RTRAF: variants seen among roughly 807,000 people sequenced by gnomAD.
RTRAF encodes RNA transcription, translation and transport factor.
Under a neutral mutation model 34.4 loss-of-function variants are expected in RTRAF, and 14 were observed. The observed-to-expected ratio is 0.41, with a 90% CI of 0.27 to 0.64. RTRAF has a LOEUF of 0.64. Among genes scored for constraint, RTRAF ranks in the 30% least tolerant of loss-of-function variants. The probability of loss-of-function intolerance (pLI) is 0.34; values close to 1 mark genes in which losing one functional copy is unlikely to be tolerated. For synonymous variants in RTRAF, 96 were observed against 95.3 expected, an observed-to-expected ratio of 1.01 and a Z score of -0.04; for missense variants, 291 against 288.4, an observed-to-expected ratio of 1.01 and a Z score of -0.06.
chr14:51,993,911 G>A (rs1387947815), intron 3 of RTRAF, 89 bp downstream of exon 3: 9 of 720,798 alleles, frequency 1.2e-5, no homozygotes, highest in Non-Finnish European at 1.6e-5. Flanking sequence ...AGTTTGTTTT[G>A]TCTAGTACTA....
At chr14:52,004,302 A>G (rs1890667169) in intron 7 of RTRAF, 60 bp downstream of exon 7, 1 of 1,609,096 alleles carries the variant, frequency 6.2e-7, no homozygotes, top group African/African-American at 1.3e-5. Context: ...TTGGGAGGAA[A>G]TAAATGGCCT....
intron 5 of RTRAF, among the ~76,000 whole-genome samples, chr14:52,001,128 G>C (rs1336924158): frequency 2.0e-5 from 3 of 152,126 alleles, no homozygotes; most frequent in African/African-American, 7.2e-5. Flanking sequence ...GTTTTTCAAA[G>C]ATAGCATTTG....
At chr14:52,000,966 C>T (rs1018862061) in intron 5 of RTRAF, among the ~76,000 whole-genome samples, 2 of 152,126 alleles carry the variant, frequency 1.3e-5, no homozygotes, top group African/African-American at 4.8e-5. Flanking sequence ...ACATTTGTCC[C>T]TTTTGAGTTA....
At chr14:52,003,875 T>C in intron 6 of RTRAF, 1 of 273,772 alleles carries the variant, frequency 3.7e-6, no homozygotes, top group Non-Finnish European at 6.8e-6. Context: ...CTGGCTCAAC[T>C]TGCCTTCCAT....
Position 52,005,817 on chromosome 14 carries a change from C to A in RTRAF, c.*1301C>A. ...TGGGAGATACTCATCAGTAAACTGG[C>A]CACTATGTTTATTTACTGATACAAC... On this transcript the variant is annotated 3_prime_UTR_variant, in exon 8 of 8. Coordinates refer to ENST00000261700, the MANE Select transcript of RTRAF (RefSeq NM_016039.3). The A allele has an allele frequency of 1.2e-6, 2 of 1,613,526 alleles. No homozygotes were observed. The highest frequency in any genetic ancestry group is 1.7e-6 in the Non-Finnish European group (2 of 1,179,528).
At position 52,010,543 on chromosome 14, in the gene RTRAF, T is replaced by G. The variant is rs935601725; in HGVS notation, c.*6027T>G. 1.1e-5 allele frequency: 2 copies of G among 184,786 alleles called. No individual in the cohort carries two copies. Among genetic ancestry groups the G allele is most frequent in the African/African-American group, 4.7e-5 (2 of 43,000 alleles). The allele number at this position is 184,786 out of a possible 1,614,324, so 11.4% of individuals were successfully genotyped here. ...GAGGAATCCCACTTCACTTCCAGTT[T>G]AAGTGTCAGCTGAGGCCTCGCCTGA... On this transcript the variant is annotated 3_prime_UTR_variant, in exon 8 of 8. Transcript: ENST00000261700.
In RTRAF at chr14:51,991,440, A is replaced by G. The variant is rs113114137; in HGVS notation, c.185A>G (p.Lys62Arg). 9.3e-6 allele frequency: 15 copies of G among 1,610,842 alleles called. No individual in the cohort carries two copies. The African/African-American group carries it at 1.3e-4, about 14-fold the overall frequency. ...AGCGACTGGCCCAAGTTCTTTGAAA[A>G]GGTAATGAATTAGGAAGTAAAGTAA... ...HSSDWPKFFE[K>R]YLRDVNCPFK... The change falls in exon 2 of 8, where the codon AAG becomes AGG. Residue 62 changes from lysine to arginine, a missense_variant and splice_region_variant. Physicochemically the swap from Lys to Arg is conservative, Grantham distance 26. Coordinates refer to ENST00000261700, the MANE Select transcript of RTRAF (RefSeq NM_016039.3).
intron 6 of RTRAF, among the ~76,000 whole-genome samples, chr14:52,003,534 TATATA>T (rs1240642149): frequency 6.6e-6 from 1 of 152,176 alleles, no homozygotes; most frequent in Non-Finnish European, 1.5e-5. Context: ...GCAGTGATTT[TATATA>T]ATCAGCAGGA....
In RTRAF at chr14:52,004,264, C is replaced by CAA. The variant is rs1555361119; in HGVS notation, c.580+24_580+25dup. Reference sequence around the variant, plus strand: ...GGAGGTAAGTGATTTTGTTTAAATTCAAACTATTTTTTTTACAGACTGAAT... The same window carrying CAA: ...GGAGGTAAGTGATTTTGTTTAAATTCAAAAACTATTTTTTTTACAGACTGAAT... On this transcript the variant is annotated intron_variant, in intron 7 of 7. Transcript: ENST00000261700. 54 of 1,611,056 alleles carry CAA rather than the reference C, an allele frequency of 3.4e-5. No homozygotes were observed. In the Admixed American group the frequency reaches 8.6e-4, roughly 26 times the overall value.
rs1594995826 is a variant in RTRAF at position 52,008,051 on chromosome 14, TCTC to T, written c.*3539_*3541del. On this transcript the variant is annotated 3_prime_UTR_variant, in exon 8 of 8. Transcript: ENST00000261700. Reference sequence around the variant, plus strand: ...TCTAAGCAGCCCCCAGTGATCTCCATCTCCTCATGTATTATAGCCTTAAGCAAT... The same window carrying T: ...TCTAAGCAGCCCCCAGTGATCTCCATCTCATGTATTATAGCCTTAAGCAAT... 13 of 1,096,710 alleles carry T rather than the reference TCTC, an allele frequency of 1.2e-5. No individual in the cohort carries two copies. Among genetic ancestry groups the T allele is most frequent in the East Asian group, 7.3e-5 (3 of 41,070 alleles). The allele number at this position is 1,096,710 out of a possible 1,614,324, so 67.9% of individuals were successfully genotyped here. A position where few individuals can be genotyped will look rare whatever the true frequency, so the allele number is the denominator to read the frequency against.
At chr14:51,993,662 T>G (rs1890471400) in intron 2 of RTRAF, 61 bp from the exon 3 acceptor site, 1 of 1,046,278 alleles carries the variant, frequency 9.6e-7, no homozygotes, top group African/African-American at 1.6e-5. Context: ...TCTCCCATTC[T>G]TTTTTCTGTG....
Position 52,008,063 on chromosome 14 carries a change from T to C in RTRAF, c.*3547T>C. 2 of 978,468 alleles carry C rather than the reference T, an allele frequency of 2.0e-6. No individual in the cohort carries two copies. Among genetic ancestry groups the C allele is most frequent in the Non-Finnish European group, 3.0e-6 (2 of 658,748 alleles). The allele number at this position is 978,468 out of a possible 1,614,324, so 60.6% of individuals were successfully genotyped here. On this transcript the variant is annotated 3_prime_UTR_variant, in exon 8 of 8. Coordinates refer to ENST00000261700, the MANE Select transcript of RTRAF (RefSeq NM_016039.3). ...CCAGTGATCTCCATCTCCTCATGTA[T>C]TATAGCCTTAAGCAATCCCCTTGAG...
chr14:52,004,024 C>T (rs148221316), intron 6 of RTRAF, 170 bp from the exon 7 acceptor site: 140 of 635,760 alleles, frequency 2.2e-4, no homozygotes, highest in African/African-American at 1.8e-3. Context: ...AGGGAAAACT[C>T]GCTAATCACA....
intron 2 of RTRAF, among the ~76,000 whole-genome samples, chr14:51,992,529 C>T (rs2140326762): frequency 6.6e-6 from 1 of 152,316 alleles, no homozygotes; most frequent in South Asian, 2.1e-4. Flanking sequence ...AAGCTTATTA[C>T]TGCCAATGCC....
At chr14:51,996,559 C>G (rs867050033) in intron 3 of RTRAF, among the ~76,000 whole-genome samples, 2 of 152,126 alleles carry the variant, frequency 1.3e-5, no homozygotes, top group South Asian at 4.1e-4. Flanking sequence ...TCATATACCT[C>G]AAGTCTACAA....
Position 52,007,688 on chromosome 14 carries a change from A to T in RTRAF, c.*3172A>T, listed in dbSNP as rs1029248053. 3 of 928,366 alleles carry T rather than the reference A, an allele frequency of 3.2e-6. No individual in the cohort carries two copies. In the South Asian group the frequency reaches 4.4e-5, roughly 13 times the overall value. The allele number at this position is 928,366 out of a possible 1,614,324, so 57.5% of individuals were successfully genotyped here. A position where few individuals can be genotyped will look rare whatever the true frequency, so the allele number is the denominator to read the frequency against. ...TAGTACTTAAATTTACTAGTACTTAAAAGTTTACAGACCAAAGAAAGGAGA... is the reference window on the plus strand; with the variant it reads ...TAGTACTTAAATTTACTAGTACTTATAAGTTTACAGACCAAAGAAAGGAGA... On this transcript the variant is annotated 3_prime_UTR_variant, in exon 8 of 8. Coordinates refer to ENST00000261700, the MANE Select transcript of RTRAF (RefSeq NM_016039.3).
At position 52,005,834 on chromosome 14, in the gene RTRAF, T is replaced by G. The variant is rs570619362; in HGVS notation, c.*1318T>G. The G allele has an allele frequency of 5.0e-6, 8 of 1,610,856 alleles. No individual in the cohort carries two copies. In the South Asian group the frequency reaches 7.7e-5, roughly 15 times the overall value. Reference sequence around the variant, plus strand: ...TAAACTGGCCACTATGTTTATTTACTGATACAACACCATCCCTGGTAACAG... The same window carrying G: ...TAAACTGGCCACTATGTTTATTTACGGATACAACACCATCCCTGGTAACAG... On this transcript the variant is annotated 3_prime_UTR_variant, in exon 8 of 8. Coordinates refer to ENST00000261700, the MANE Select transcript of RTRAF (RefSeq NM_016039.3).
intron 2 of RTRAF, among the ~76,000 whole-genome samples, chr14:51,992,189 A>G (rs766828043): frequency 1.9e-4 from 29 of 152,230 alleles, no homozygotes; most frequent in Non-Finnish European, 2.8e-4. Flanking sequence ...ACTTTTGCAT[A>G]AAAAAGAATT....
chr14:51,996,966 T>A (rs1890530422), intron 3 of RTRAF, among the ~76,000 whole-genome samples: 1 of 152,022 alleles, frequency 6.6e-6, no homozygotes, highest in Non-Finnish European at 1.5e-5. Flanking sequence ...ATTTATATGA[T>A]GTTTCCTCAT....
Sources: allele counts gnomAD v4.1 joint callset (sites outside exome capture counted in the v4.1 genomes callset), GRCh38; gene constraint gnomAD v4.1.1; transcripts MANE v1.5; gene names NCBI Gene and HGNC (gene_info 2026-07-23, HGNC 2026-07-21).